Variants in C12orf43 observed in about 807,000 individuals in gnomAD.
C12orf43 encodes protein CUSTOS.
In C12orf43, 15 loss-of-function variants were observed where a neutral mutation model predicts 20.6. The observed-to-expected ratio is 0.73, with a 90% CI of 0.49 to 1.12. The LOEUF (loss-of-function observed/expected upper bound fraction) is 1.12. C12orf43 is among the 50% of genes most tolerant of loss of function. The pLI is 0.00. For missense variants in C12orf43, 334 were observed against 344.4 expected (o/e 0.97, Z 0.24); for synonymous variants, 144 against 130.8 (o/e 1.10, Z -0.69).
intron 3 of C12orf43, among the ~76,000 whole-genome samples, chr12:121,008,076 T>C (rs567235424): frequency 1.3e-5 from 2 of 151,846 alleles, no homozygotes; most frequent in African/African-American, 4.8e-5. Flanking sequence ...AAGATGTCAG[T>C]AGCGCCAAGG....
In C12orf43 at chr12:121,006,337, G is replaced by T; in HGVS notation, c.345C>A (p.Val115=). 1 of 1,613,846 alleles carries T rather than the reference G, an allele frequency of 6.2e-7. No homozygotes were observed. The highest frequency in any genetic ancestry group is 1.1e-5 in the South Asian group (1 of 91,060). ...ACCACTCACCATCATCCTCCAAAGCGACTTTCTGTACCTTAGCTTTTGCTG... is the reference window on the plus strand; with the variant it reads ...ACCACTCACCATCATCCTCCAAAGCTACTTTCTGTACCTTAGCTTTTGCTG... ...KEPAKAKVQK[V]ALEDDGFRLF... is the part of the protein sequence containing the mutation. The change falls in exon 4 of 6, where the codon GTC becomes GTA. Residue 115 remains valine (V), a synonymous_variant. Coordinates refer to ENST00000288757, the MANE Select transcript of C12orf43 (RefSeq NM_022895.3).
At chr12:121,016,300 C>A in intron 1 of C12orf43, 30 bp downstream of exon 1, 1 of 1,612,808 alleles carries the variant, frequency 6.2e-7, no homozygotes, top group Non-Finnish European at 8.5e-7. Context: ...CCACGCCCCT[C>A]AGCCAGTCTC....
At chr12:121,011,611 C>A (rs2135882011) in intron 1 of C12orf43, among the ~76,000 whole-genome samples, 1 of 152,212 alleles carries the variant, frequency 6.6e-6, no homozygotes, top group East Asian at 1.9e-4. Flanking sequence ...GAAGAAACGT[C>A]AAAGATATGT....
chr12:121,006,477 G>T (rs1878036018), intron 3 of C12orf43, 83 bp from the exon 4 acceptor site: 1 of 1,333,494 alleles, frequency 7.5e-7, no homozygotes, highest in Non-Finnish European at 1.1e-6. Flanking sequence ...TGGAGGGGAT[G>T]GGGTATGTGA....
Position 121,006,362 on chromosome 12 carries a change from G to A in C12orf43, c.320C>T (p.Pro107Leu), listed in dbSNP as rs759967569. 6.2e-7 allele frequency: 1 copy of A among 1,614,132 alleles called. No homozygotes were observed. Among genetic ancestry groups the A allele is most frequent in the East Asian group, 2.2e-5 (1 of 44,894 alleles). Residue 107 changes from proline to leucine, a missense_variant, in exon 4 of 6, where the codon CCA (proline) becomes CTA (leucine). By Grantham distance (98) the Pro-to-Leu change is moderately conservative (BLOSUM62 -3). Coordinates refer to ENST00000288757, the MANE Select transcript of C12orf43 (RefSeq NM_022895.3). Reference sequence around the variant, plus strand: ...GACTTTCTGTACCTTAGCTTTTGCTGGCTCCTTTGCTGCTTCTGAGATGGT... The same window carrying A: ...GACTTTCTGTACCTTAGCTTTTGCTAGCTCCTTTGCTGCTTCTGAGATGGT... The part of the protein sequence containing the change: ...FITISEAAKE[P>L]AKAKVQKVAL...
intron 1 of C12orf43, among the ~76,000 whole-genome samples, chr12:121,015,540 C>A (rs1194211252): frequency 6.6e-6 from 1 of 152,172 alleles, no homozygotes; most frequent in Non-Finnish European, 1.5e-5. Context: ...AGTAAACAAC[C>A]AAACTTGTGA....
Position 121,006,326 on chromosome 12 carries a change from TC to T in C12orf43, c.355del (p.Asp119MetfsTer75). ...TATTAAGTATAACCACTCACCATCA[TC>T]CTCCAAAGCGACTTTCTGTACCTTA... ...KAKVQKVALE[D>X]DGFRLFFTSV... is the part of the protein sequence containing the mutation. On this transcript the variant is annotated frameshift_variant, in exon 4 of 6. Coordinates refer to ENST00000288757, the MANE Select transcript of C12orf43 (RefSeq NM_022895.3). LOFTEE classifies it high-confidence loss of function. 6.2e-7 allele frequency: 1 copy of T among 1,612,988 alleles called. No homozygotes were observed. The highest frequency in any genetic ancestry group is 1.7e-5 in the Admixed American group (1 of 59,972).
Position 121,003,918 on chromosome 12 carries a change from C to A in C12orf43, c.*235G>T, listed in dbSNP as rs1877735679. ...CTGGAACCACAGCGCCCCCGCCAGC[C>A]CTCCGTGGGAGCACAGAGGGGCAGG... On this transcript the variant is annotated 3_prime_UTR_variant, in exon 6 of 6. Coordinates refer to ENST00000288757, the MANE Select transcript of C12orf43 (RefSeq NM_022895.3). 1.7e-6 allele frequency: 1 copy of A among 589,354 alleles called. No individual in the cohort carries two copies. The highest frequency in any genetic ancestry group is 3.0e-6 in the Non-Finnish European group (1 of 330,104). The allele number at this position is 589,354 out of a possible 1,614,324, so 36.5% of individuals were successfully genotyped here. A position where few individuals can be genotyped will look rare whatever the true frequency, so the allele number is the denominator to read the frequency against.
In C12orf43 at chr12:121,001,574, C is replaced by T. The variant is rs1877487227; in HGVS notation, c.*2579G>A. ...GACCGCTACACCACTCTGGCAGCCA[C>T]ACTTCTCAGGACACAGGCCTGTGTA... On this transcript the variant is annotated 3_prime_UTR_variant, in exon 6 of 6. Coordinates refer to ENST00000288757, the MANE Select transcript of C12orf43 (RefSeq NM_022895.3). 1 of 440,468 alleles carries T rather than the reference C, an allele frequency of 2.3e-6. No homozygotes were observed. Among genetic ancestry groups the T allele is most frequent in the Non-Finnish European group, 4.3e-6 (1 of 232,036 alleles). 27.3% of individuals were successfully genotyped at this position (440,468 alleles called of 1,614,324 possible).
chr12:121,016,377 G>A lies in C12orf43; in HGVS notation c.98C>T (p.Ala33Val). The A allele has an allele frequency of 6.2e-7, 1 of 1,613,860 alleles. No homozygotes were observed. Among genetic ancestry groups the A allele is most frequent in the Non-Finnish European group, 8.5e-7 (1 of 1,180,046 alleles). ...LERCREAAMPAWGLEQRPHVA... is the reference protein window; with the variant it reads ...LERCREAAMPVWGLEQRPHVA... Reference sequence around the variant, plus strand: ...GTGCGGGCGTTGCTCCAAGCCCCAAGCCGGCATTGCCGCCTCGCGGCACCG... The same window carrying A: ...GTGCGGGCGTTGCTCCAAGCCCCAAACCGGCATTGCCGCCTCGCGGCACCG... Residue 33 changes from alanine to valine, a missense_variant, in exon 1 of 6, where the codon GCT becomes GTT. Coordinates refer to ENST00000288757, the MANE Select transcript of C12orf43 (RefSeq NM_022895.3).
intron 3 of C12orf43, chr12:121,007,106 G>C (rs1229028807): frequency 6.6e-6 from 1 of 152,140 alleles, no homozygotes; most frequent in Non-Finnish European, 1.5e-5. Flanking sequence ...CATGAAAAGG[G>C]AAATATGACC....
Position 121,005,148 on chromosome 12 carries a change from TAAAAAAA to T in C12orf43, c.362-62_362-56del, listed in dbSNP as rs1301447071. On this transcript the variant is annotated intron_variant, in intron 4 of 5. Transcript: ENST00000288757. This position sits in a 1 kb window ranked among gnomAD's most constrained non-coding sequence, Gnocchi z 5.6. Reference sequence around the variant, plus strand: ...AAACAAAACAAAACAAAAAGAAACATAAAAAAATAAAAAATAAAGAAACAAAAAAGAA... The same window carrying T: ...AAACAAAACAAAACAAAAAGAAACATTAAAAAATAAAGAAACAAAAAAGAA... 1 of 834,354 alleles carries T rather than the reference TAAAAAAA, an allele frequency of 1.2e-6. No homozygotes were observed. The highest frequency in any genetic ancestry group is 1.6e-6 in the Non-Finnish European group (1 of 642,196). The allele number at this position is 834,354 out of a possible 1,614,324, so 51.7% of individuals were successfully genotyped here.
Position 121,006,257 on chromosome 12 carries a change from C to G in C12orf43, c.361+64G>C, listed in dbSNP as rs139628869. 1.1e-4 allele frequency: 150 copies of G among 1,421,006 alleles called. 1 individual carries two copies. The African/African-American group carries it at 1.7e-3, about 16-fold the overall frequency. 88.0% of individuals were successfully genotyped at this position (1,421,006 alleles called of 1,614,324 possible). A position where few individuals can be genotyped will look rare whatever the true frequency, so the allele number is the denominator to read the frequency against. ...AAAAGAATATACCAAAACTGTTTCG[C>G]CCACCTCCAGACACACATTAGGTGC... On this transcript the variant is annotated intron_variant, in intron 4 of 5. Coordinates refer to ENST00000288757, the MANE Select transcript of C12orf43 (RefSeq NM_022895.3).
At chr12:121,007,362 C>A (rs1361169124) in intron 3 of C12orf43, 1 of 152,188 alleles carries the variant, frequency 6.6e-6, no homozygotes, top group Non-Finnish European at 1.5e-5. Flanking sequence ...CTTCAGAGAC[C>A]TGGGTTTTGA....
At chr12:121,012,870 A>AAAAAT (rs1368872153) in intron 1 of C12orf43, among the ~76,000 whole-genome samples, 14 of 142,582 alleles carry the variant, frequency 9.8e-5, no homozygotes, top group Non-Finnish European at 1.7e-4. Context: ...AAAAAAAAAA[A>AAAAAT]AAAAGATGGA....
At position 121,000,589 on chromosome 12, in the gene C12orf43, A is replaced by C; in HGVS notation, c.*3564T>G. The C allele has an allele frequency of 4.4e-6, 1 of 225,266 alleles. No homozygotes were observed. Among genetic ancestry groups the C allele is most frequent in the South Asian group, 6.4e-5 (1 of 15,626 alleles). 14.0% of individuals were successfully genotyped at this position (225,266 alleles called of 1,614,324 possible). ...TGTTGCTGGCAGCTCTGGGGAGTGA[A>C]TTCTGCAGCCTTGAGGCAGAATTCC... On this transcript the variant is annotated 3_prime_UTR_variant, in exon 6 of 6. Coordinates refer to ENST00000288757, the MANE Select transcript of C12orf43 (RefSeq NM_022895.3).
chr12:121,012,849 TAAA>T (rs10636003), intron 1 of C12orf43, among the ~76,000 whole-genome samples: 21 of 91,990 alleles, frequency 2.3e-4, no homozygotes, highest in African/African-American at 7.2e-4. Flanking sequence ...AGACTCCGTC[TAAA>T]AAAAAAAAAA....
Position 121,002,223 on chromosome 12 carries a change from C to T in C12orf43, c.*1930G>A, listed in dbSNP as rs1877546223. 1 of 443,710 alleles carries T rather than the reference C, an allele frequency of 2.3e-6. No individual in the cohort carries two copies. The highest frequency in any genetic ancestry group is 2.0e-5 in the African/African-American group (1 of 50,786). The allele number at this position is 443,710 out of a possible 1,614,324, so 27.5% of individuals were successfully genotyped here. A position where few individuals can be genotyped will look rare whatever the true frequency, so the allele number is the denominator to read the frequency against. On this transcript the variant is annotated 3_prime_UTR_variant, in exon 6 of 6. Coordinates refer to ENST00000288757, the MANE Select transcript of C12orf43 (RefSeq NM_022895.3). ...GAGCTACCTGTGTGGACAGGACTAA[C>T]ACTCAGAAGCCTGGGGGCCTGGCTG... is the stretch of plus-strand genomic sequence containing the variant.
intron 2 of C12orf43, 21 bp from the exon 3 acceptor site, chr12:121,010,947 C>T (rs567366188): frequency 1.2e-6 from 2 of 1,613,458 alleles, no homozygotes; most frequent in South Asian, 2.2e-5. Context: ...CACAAAGAGA[C>T]CTCACTTCCT....
Sources: allele counts gnomAD v4.1 joint callset (sites outside exome capture counted in the v4.1 genomes callset), GRCh38; gene constraint gnomAD v4.1.1; non-coding constraint Gnocchi (gnomAD v3.1); transcripts MANE v1.5; gene names NCBI Gene and HGNC (gene_info 2026-07-23, HGNC 2026-07-21).